LCK: variants seen among roughly 807,000 people sequenced by gnomAD.
LCK encodes the protein LCK proto-oncogene, Src family tyrosine kinase.
LCK carries 14 observed loss-of-function variants against 64.6 expected under a neutral mutation model. The ratio of observed to expected loss-of-function variants is 0.22; its 90% confidence interval spans 0.14 to 0.34. LCK has a LOEUF of 0.34. Among genes scored for constraint, LCK ranks in the 10% least tolerant of loss-of-function variants. The probability of loss-of-function intolerance (pLI) is 1.00; values close to 1 mark genes in which losing one functional copy is unlikely to be tolerated. For synonymous variants in LCK, 277 were observed against 263.6 expected (o/e 1.05, Z -0.49); for missense variants, 434 against 668.1 (o/e 0.65, Z 3.86).
In LCK at chr1:32,285,731, C is replaced by T; in HGVS notation, c.*15C>T. 1 of 1,570,246 alleles carries T rather than the reference C, an allele frequency of 6.4e-7. No individual in the cohort carries two copies. The highest frequency in any genetic ancestry group is 1.2e-5 in the South Asian group (1 of 86,784). On this transcript the variant is annotated 3_prime_UTR_variant, in exon 13 of 13. Transcript: ENST00000336890. ...CTCAGCCTTGAGAGGCCTTGAGAGG[C>T]CCTGGGGTTCTCCCCCTTTCTCTCC...
At position 32,275,911 on chromosome 1, in the gene LCK, C is replaced by T; in HGVS notation, c.482-3C>T. The T allele has an allele frequency of 6.2e-7, 1 of 1,614,090 alleles. No individual in the cohort carries two copies. Among genetic ancestry groups the T allele is most frequent in the East Asian group, 2.2e-5 (1 of 44,892 alleles). ...CGCTTTGTCCATCCATTCATTCATT[C>T]AGGATCGTTTTCACTGTCGGTCCGG... On this transcript the variant is annotated splice_polypyrimidine_tract_variant and splice_region_variant and intron_variant, in intron 6 of 12. Coordinates refer to ENST00000336890, the MANE Select transcript of LCK (RefSeq NM_005356.5). The surrounding 1 kb of genome is among the most constrained non-coding windows in gnomAD (Gnocchi z 6.9).
chr1:32,257,422 G>C (rs1048514788), intron 1 of LCK, among the ~76,000 whole-genome samples: 1 of 151,468 alleles, frequency 6.6e-6, no homozygotes, highest in Non-Finnish European at 1.5e-5. Flanking sequence ...GCTAATTTTT[G>C]TATTTTTTTT....
chr1:32,273,612 G>A (rs890935484), intron 1 of LCK, among the ~76,000 whole-genome samples: 1 of 151,994 alleles, frequency 6.6e-6, no homozygotes, highest in Non-Finnish European at 1.5e-5. Context: ...AGGCAAAACA[G>A]GCACACATTT....
rs1033947336 is a variant in LCK at position 32,260,819 on chromosome 1, A to G, written c.-6+9448A>G. Among the ~76,000 whole-genome samples the G allele has an allele frequency of 3.3e-5, 5 of 152,022 alleles. No individual in the cohort carries two copies. In the South Asian group the frequency reaches 1.0e-3, roughly 32 times the overall value. On this transcript the variant is annotated intron_variant, in intron 1 of 12. Coordinates refer to ENST00000336890, the MANE Select transcript of LCK (RefSeq NM_005356.5). ...GTATTTTTTGTAGAGATGAGTTCTC[A>G]CCATGTTGCCCAGGTTGGTCTTGAA... is the stretch of plus-strand genomic sequence containing the variant.
At chr1:32,265,182 C>CAA (rs557764597) in intron 1 of LCK, among the ~76,000 whole-genome samples, 21 of 95,644 alleles carry the variant, frequency 2.2e-4, no homozygotes, top group Middle Eastern at 5.7e-3. Flanking sequence ...GACTTTGTCT[C>CAA]AAAAAAAAAA....
chr1:32,257,808 T>C (rs1490946598), intron 1 of LCK, among the ~76,000 whole-genome samples: 3 of 152,210 alleles, frequency 2.0e-5, no homozygotes, highest in African/African-American at 7.2e-5. Context: ...GGGGGACTTC[T>C]ACTAAAATAC....
At chr1:32,265,591 T>C (rs1046348822) in intron 1 of LCK, among the ~76,000 whole-genome samples, 1 of 152,174 alleles carries the variant, frequency 6.6e-6, no homozygotes, top group Non-Finnish European at 1.5e-5. Flanking sequence ...TTTTGCCCAG[T>C]CTTAAGTCGG....
intron 1 of LCK, among the ~76,000 whole-genome samples, chr1:32,260,042 A>AT (rs2124313292): frequency 6.6e-6 from 1 of 151,242 alleles, no homozygotes; most frequent in Non-Finnish European, 1.5e-5. Context: ...TTTTATTTTT[A>AT]TTTTATTTTA....
chr1:32,261,974 A>G (rs1052982249), intron 1 of LCK, among the ~76,000 whole-genome samples: 5 of 147,258 alleles, frequency 3.4e-5, no homozygotes, highest in Non-Finnish European at 7.5e-5. Flanking sequence ...AAAAAAAAAA[A>G]AGAGATTCTC....
chr1:32,278,707 A>G (rs1640357716), intron 9 of LCK, among the ~76,000 whole-genome samples: 1 of 152,318 alleles, frequency 6.6e-6, no homozygotes, highest in African/African-American at 2.4e-5. Flanking sequence ...GTTCATTGGA[A>G]GTGAGTGCCA....
rs925568671 is a variant in LCK at position 32,275,420 on chromosome 1, G to GT, written c.377+2dup. On this transcript the variant is annotated splice_donor_variant, in intron 5 of 12. Transcript: ENST00000336890. LOFTEE classifies it high-confidence loss of function. This position sits in a 1 kb window ranked among gnomAD's most constrained non-coding sequence, Gnocchi z 6.9. ...AAGCGAACAGCCTGGAGCCCGAACCGTAAGTGGGGACCCGTCGTGGGGGTG... is the reference window on the plus strand; with the variant it reads ...AAGCGAACAGCCTGGAGCCCGAACCGTTAAGTGGGGACCCGTCGTGGGGGTG... 1 of 1,613,758 alleles carries GT rather than the reference G, an allele frequency of 6.2e-7. No homozygotes were observed. Among genetic ancestry groups the GT allele is most frequent in the Non-Finnish European group, 8.5e-7 (1 of 1,179,844 alleles).
At chr1:32,266,351 A>T (rs1372387880) in intron 1 of LCK, among the ~76,000 whole-genome samples, 1 of 150,760 alleles carries the variant, frequency 6.6e-6, no homozygotes, top group Non-Finnish European at 1.5e-5. Context: ...AAAAAAAAAT[A>T]GCCGGGCACA....
intron 12 of LCK, 67 bp from the exon 13 acceptor site, chr1:32,285,447 G>T: frequency 2.8e-6 from 4 of 1,418,192 alleles, no homozygotes; most frequent in South Asian, 1.2e-5. Flanking sequence ...TAAATATTCC[G>T]AACATTACCC....
chr1:32,252,440 C>T (rs1044927546), intron 1 of LCK, among the ~76,000 whole-genome samples: 2 of 152,210 alleles, frequency 1.3e-5, no homozygotes, highest in African/African-American at 4.8e-5. Context: ...AGCCAGATTT[C>T]CAGGTTTCCC....
At position 32,276,334 on chromosome 1, in the gene LCK, C is replaced by T; in HGVS notation, c.632-3C>T. The T allele has an allele frequency of 6.4e-7, 1 of 1,571,612 alleles. No individual in the cohort carries two copies. The highest frequency in any genetic ancestry group is 8.6e-7 in the Non-Finnish European group (1 of 1,161,936). The stretch of plus-strand genomic sequence containing the variant: ...AGCCTTCACCCCTCCCTCGTCCTCG[C>T]AGATGCTTCAGATGGGCTGTGCACA... On this transcript the variant is annotated splice_polypyrimidine_tract_variant and splice_region_variant and intron_variant, in intron 7 of 12. Coordinates refer to ENST00000336890, the MANE Select transcript of LCK (RefSeq NM_005356.5). The surrounding 1 kb of genome is among the most constrained non-coding windows in gnomAD (Gnocchi z 4.6).
chr1:32,274,353 C>T lies in LCK; in HGVS notation c.24C>T (p.His8=). Residue 8 remains histidine, a synonymous_variant, in exon 2 of 13, where the codon CAC becomes CAT. Transcript: ENST00000336890. Reference sequence around the variant, plus strand: ...CCATGGGCTGTGGCTGCAGCTCACACCCGGAAGATGACTGGATGGAAAACA... The same window carrying T: ...CCATGGGCTGTGGCTGCAGCTCACATCCGGAAGATGACTGGATGGAAAACA... The part of the protein sequence containing the change: MGCGCSS[H]PEDDWMENID... The T allele has an allele frequency of 1.2e-6, 2 of 1,614,136 alleles. No individual in the cohort carries two copies. The highest frequency in any genetic ancestry group is 1.7e-6 in the Non-Finnish European group (2 of 1,179,986).
intron 2 of LCK, 108 bp downstream of exon 2, chr1:32,274,542 C>T: frequency 1.0e-6 from 1 of 992,840 alleles, no homozygotes; most frequent in Non-Finnish European, 1.5e-6. Context: ...GTGGCCCTCT[C>T]CCCTGAAATA....
chr1:32,261,432 A>T (rs533703342), intron 1 of LCK, among the ~76,000 whole-genome samples: 35 of 144,650 alleles, frequency 2.4e-4, no homozygotes, highest in African/African-American at 7.7e-4. Flanking sequence ...CGGATCACGA[A>T]GTCAGGAGTT....
In LCK at chr1:32,251,281, A is replaced by T. The variant is rs1256521060; in HGVS notation, c.-96A>T. ...GGGCGCGGGGAGACAGGTGGTGGCT[A>T]CGACGGCGAAGGGAGCTGAGACTGT... On this transcript the variant is annotated 5_prime_UTR_variant, in exon 1 of 13. Coordinates refer to ENST00000336890, the MANE Select transcript of LCK (RefSeq NM_005356.5). The surrounding 1 kb of genome is among the most constrained non-coding windows in gnomAD (Gnocchi z 4.0). The T allele has an allele frequency of 6.5e-6, 1 of 152,714 alleles. No homozygotes were observed. Among genetic ancestry groups the T allele is most frequent in the African/African-American group, 2.4e-5 (1 of 41,472 alleles). 9.5% of individuals were successfully genotyped at this position (152,714 alleles called of 1,614,324 possible). A position where few individuals can be genotyped will look rare whatever the true frequency, so the allele number is the denominator to read the frequency against.
Sources: allele counts gnomAD v4.1 joint callset (sites outside exome capture counted in the v4.1 genomes callset), GRCh38; gene constraint gnomAD v4.1.1; non-coding constraint Gnocchi (gnomAD v3.1); transcripts MANE v1.5; gene names NCBI Gene and HGNC (gene_info 2026-07-23, HGNC 2026-07-21).